The following CRADD variants were observed in gnomAD, a reference collection of about 807,000 sequenced individuals.
CRADD encodes CARD and death domain containing adaptor protein, also known as death domain-containing protein CRADD.
In CRADD, 9 loss-of-function variants were observed where a neutral mutation model predicts 15.5. The observed-to-expected ratio is 0.58, with a 90% CI of 0.35 to 1.01. The LOEUF (loss-of-function observed/expected upper bound fraction) is 1.01. Among genes scored for constraint, CRADD ranks in the 50% least tolerant of loss-of-function variants. The probability of loss-of-function intolerance (pLI) is 0.02; values close to 1 mark genes in which losing one functional copy is unlikely to be tolerated. For synonymous variants in CRADD, 118 were observed against 107.6 expected, an observed-to-expected ratio of 1.10 and a Z score of -0.60; for missense variants, 227 against 250.3, an observed-to-expected ratio of 0.91 and a Z score of 0.63.
At chr12:93,871,090 A>G (rs952228168) in intron 2 of CRADD, among the ~76,000 whole-genome samples, 1 of 152,232 alleles carries the variant, frequency 6.6e-6, no homozygotes, top group African/African-American at 2.4e-5. Flanking sequence ...ATGTATCTGT[A>G]TACCTCTCTT....
chr12:93,819,431 C>T (rs1466135422), intron 2 of CRADD, among the ~76,000 whole-genome samples: 1 of 152,222 alleles, frequency 6.6e-6, no homozygotes, highest in East Asian at 1.9e-4. Context: ...GAAGAGGCAG[C>T]AAAGCTTAAT....
intron 2 of CRADD, chr12:93,837,914 G>C (rs1266348253): frequency 2.6e-5 from 4 of 152,192 alleles, no homozygotes; most frequent in African/African-American, 9.7e-5. Flanking sequence ...GCCCAGAGCT[G>C]TGTCCACCCT....
At chr12:93,764,525 A>G (rs1452614692) in intron 2 of CRADD, among the ~76,000 whole-genome samples, 2 of 152,084 alleles carry the variant, frequency 1.3e-5, no homozygotes, top group African/African-American at 4.8e-5. Context: ...TTTTAATACA[A>G]TAAAGTCATC....
chr12:93,755,033 A>T (rs1451652161), intron 2 of CRADD, among the ~76,000 whole-genome samples: 3 of 152,082 alleles, frequency 2.0e-5, no homozygotes, highest in Admixed American at 2.0e-4. Flanking sequence ...ATCATGGCAG[A>T]AGGTGAAGGA....
At chr12:93,696,123 C>G (rs1955699427) in intron 2 of CRADD, among the ~76,000 whole-genome samples, 1 of 152,096 alleles carries the variant, frequency 6.6e-6, no homozygotes. Context: ...AAAGTGGAAC[C>G]TTTGCATACT....
At chr12:93,884,396 C>G (rs992534819) in intron 2 of CRADD, among the ~76,000 whole-genome samples, 1 of 152,074 alleles carries the variant, frequency 6.6e-6, no homozygotes, top group Non-Finnish European at 1.5e-5. Flanking sequence ...GCCAGAGGTC[C>G]CTGGCGAAAC....
At chr12:93,745,195 T>G (rs1003870269) in intron 2 of CRADD, among the ~76,000 whole-genome samples, 1 of 152,244 alleles carries the variant, frequency 6.6e-6, no homozygotes, top group Non-Finnish European at 1.5e-5. Flanking sequence ...CGTCCAAATT[T>G]ACTGTTTATG....
chr12:93,713,622 GT>G (rs931236801), intron 2 of CRADD, among the ~76,000 whole-genome samples: 7 of 141,980 alleles, frequency 4.9e-5, no homozygotes, highest in African/African-American at 1.7e-4. Context: ...TTTTCTTAAC[GT>G]TTTTTTTAAT....
At chr12:93,878,490 A>G (rs1430221904) in intron 2 of CRADD, among the ~76,000 whole-genome samples, 1 of 152,152 alleles carries the variant, frequency 6.6e-6, no homozygotes, top group East Asian at 1.9e-4. Context: ...GGCTGCCCCA[A>G]CTGGTGTCTC....
At chr12:93,887,708 T>C (rs1958547698) in intron 2 of CRADD, among the ~76,000 whole-genome samples, 1 of 152,228 alleles carries the variant, frequency 6.6e-6, no homozygotes. Context: ...CTCATCTTTT[T>C]GATGGCCTGA....
chr12:93,827,598 G>A (rs1957838413), intron 2 of CRADD, among the ~76,000 whole-genome samples: 1 of 152,100 alleles, frequency 6.6e-6, no homozygotes, highest in Non-Finnish European at 1.5e-5. Context: ...AGACTATATG[G>A]TAGATGTATG....
At chr12:93,817,719 T>C (rs12817202) in intron 2 of CRADD, among the ~76,000 whole-genome samples, 36,778 of 151,744 alleles carry the variant, frequency 0.24, 5,141 homozygotes, top group African/African-American at 0.38. Flanking sequence ...GGCCCTTAGA[T>C]TTCTCAACTG....
intron 2 of CRADD, among the ~76,000 whole-genome samples, chr12:93,770,779 T>G (rs1957078554): frequency 6.6e-6 from 1 of 152,240 alleles, no homozygotes. Flanking sequence ...ATCCTTCACA[T>G]TTCCAAATGA....
rs117859735 is a variant in CRADD at position 93,797,666 on chromosome 12, C to T, written c.299-52304C>T. ...ATTTTAAAACCACCGCAATAGGTAACTCAACTGCTGGTACTGTATTTTATG... is the reference window on the plus strand; with the variant it reads ...ATTTTAAAACCACCGCAATAGGTAATTCAACTGCTGGTACTGTATTTTATG... On this transcript the variant is annotated intron_variant, in intron 2 of 2. Coordinates refer to ENST00000332896, the MANE Select transcript of CRADD (RefSeq NM_003805.5). 6.7e-3 allele frequency among the ~76,000 whole-genome samples: 1,026 copies of T among 152,272 alleles called. 9 individuals are homozygous for T. The highest frequency in any genetic ancestry group is 0.012 in the Non-Finnish European group (794 of 68,030).
intron 2 of CRADD, among the ~76,000 whole-genome samples, chr12:93,856,067 A>G (rs1958271447): frequency 6.6e-6 from 1 of 152,148 alleles, no homozygotes; most frequent in Non-Finnish European, 1.5e-5. Context: ...CAGCCTCCCA[A>G]AGTGCTGGGA....
At chr12:93,775,396 TA>T (rs1409336234) in intron 2 of CRADD, among the ~76,000 whole-genome samples, 1 of 152,080 alleles carries the variant, frequency 6.6e-6, no homozygotes, top group African/African-American at 2.4e-5. Flanking sequence ...TGCAAACACG[TA>T]TATAGGTTTG....
chr12:93,730,154 T>C (rs1956439205), intron 2 of CRADD, among the ~76,000 whole-genome samples: 1 of 152,232 alleles, frequency 6.6e-6, no homozygotes, highest in African/African-American at 2.4e-5. Context: ...TGCAATTATT[T>C]ACATTGTGCA....
intron 2 of CRADD, among the ~76,000 whole-genome samples, chr12:93,868,860 T>A (rs1958393810): frequency 6.6e-6 from 1 of 152,130 alleles, no homozygotes; most frequent in African/African-American, 2.4e-5. Context: ...CCAGAGCAAC[T>A]GGAAATTGAA....
chr12:93,772,929 G>T (rs1316962559), intron 2 of CRADD, among the ~76,000 whole-genome samples: 1 of 152,206 alleles, frequency 6.6e-6, no homozygotes, highest in Non-Finnish European at 1.5e-5. Context: ...AAGGAGGGAA[G>T]TATAGAGGAG....
Sources: gnomAD v4.1 joint callset for allele counts (sites outside exome capture counted in the v4.1 genomes callset) on GRCh38, gnomAD v4.1.1 for gene constraint, MANE v1.5 for transcripts, NCBI Gene and HGNC (gene_info 2026-07-23, HGNC 2026-07-21) for gene names.